Variants in LRRC69 observed in about 807,000 individuals in gnomAD.
LRRC69 encodes the protein leucine-rich repeat-containing protein 69.
A neutral mutation model predicts 37.8 loss-of-function variants in LRRC69; 42 were observed. The observed-to-expected ratio is 1.11, with a 90% confidence interval of 0.87 to 1.44. The LOEUF (loss-of-function observed/expected upper bound fraction) is 1.44, where lower values mean the gene tolerates loss of function less well. LRRC69 is among the 40% of genes most tolerant of loss of function. The probability of loss-of-function intolerance (pLI) is 0.00; values close to 1 mark genes in which losing one functional copy is unlikely to be tolerated. For missense variants in LRRC69, 357 were observed against 401.9 expected (o/e 0.89, Z 0.96); for synonymous variants, 141 against 143.1 (o/e 0.99, Z 0.11).
chr8:91,201,455 T>C (rs1434236297), intron 7 of LRRC69, among the ~76,000 whole-genome samples: 1 of 152,226 alleles, frequency 6.6e-6, no homozygotes. Flanking sequence ...AATAAAACTT[T>C]ACTTGTGAAT....
chr8:91,153,506 C>T (rs1413199698), intron 5 of LRRC69, among the ~76,000 whole-genome samples: 3 of 136,468 alleles, frequency 2.2e-5, no homozygotes, highest in African/African-American at 7.5e-5. Context: ...GAAATAATAA[C>T]AAACAGTCTC....
intron 5 of LRRC69, among the ~76,000 whole-genome samples, chr8:91,152,890 A>G (rs1176404988): frequency 2.0e-5 from 3 of 151,198 alleles, no homozygotes; most frequent in African/African-American, 7.3e-5. Context: ...TTACCTTAAA[A>G]GTAAATGGGC....
chr8:91,110,104 G>A (rs1237044107), intron 1 of LRRC69, among the ~76,000 whole-genome samples: 1 of 151,820 alleles, frequency 6.6e-6, no homozygotes, highest in Non-Finnish European at 1.5e-5. Flanking sequence ...TTACAAAATA[G>A]TTTACAGAAC....
chr8:91,200,028 A>G (rs1809686101), intron 6 of LRRC69, among the ~76,000 whole-genome samples: 1 of 152,168 alleles, frequency 6.6e-6, no homozygotes, highest in Non-Finnish European at 1.5e-5. Context: ...TGATGGCACT[A>G]TTCAGGTTCT....
chr8:91,189,347 G>C (rs1809454348), intron 5 of LRRC69, among the ~76,000 whole-genome samples, 175 bp from the exon 6 acceptor site: 1 of 152,034 alleles, frequency 6.6e-6, no homozygotes, highest in Admixed American at 6.5e-5. Flanking sequence ...GATAAGTAGA[G>C]TATGCCCCAG....
At chr8:91,144,846 T>C (rs1406095772) in intron 5 of LRRC69, among the ~76,000 whole-genome samples, 1 of 151,960 alleles carries the variant, frequency 6.6e-6, no homozygotes, top group Non-Finnish European at 1.5e-5. Context: ...TACATAAATA[T>C]TTTTTGTGCT....
intron 7 of LRRC69, among the ~76,000 whole-genome samples, chr8:91,210,310 C>CT (rs1809885508): frequency 6.6e-6 from 1 of 152,124 alleles, no homozygotes; most frequent in Non-Finnish European, 1.5e-5. Flanking sequence ...CCTTCTGTCT[C>CT]TTTTTTCCTG....
chr8:91,185,977 C>A (rs1020519252), intron 5 of LRRC69, among the ~76,000 whole-genome samples: 1 of 152,146 alleles, frequency 6.6e-6, no homozygotes, highest in African/African-American at 2.4e-5. Context: ...TCTGATCTCC[C>A]TCATTGCTTT....
intron 5 of LRRC69, among the ~76,000 whole-genome samples, chr8:91,161,415 G>A (rs1808943441): frequency 6.6e-6 from 1 of 151,252 alleles, no homozygotes; most frequent in Non-Finnish European, 1.5e-5. Flanking sequence ...AAGTTATGCA[G>A]TCCTGGGCTT....
intron 6 of LRRC69, among the ~76,000 whole-genome samples, chr8:91,196,363 C>T (rs1809600549): frequency 6.6e-6 from 1 of 151,758 alleles, no homozygotes; most frequent in Non-Finnish European, 1.5e-5. Flanking sequence ...GTTGTGTTCT[C>T]TGTATTTCCT....
intron 5 of LRRC69, among the ~76,000 whole-genome samples, chr8:91,152,154 A>C (rs968900688): frequency 6.6e-6 from 1 of 151,278 alleles, no homozygotes; most frequent in Non-Finnish European, 1.5e-5. Context: ...CCATTTGTCT[A>C]TTTTTGCTTT....
At chr8:91,206,578 C>T (rs1809809044) in intron 7 of LRRC69, 3 of 789,534 alleles carry the variant, frequency 3.8e-6, no homozygotes, top group Non-Finnish European at 3.5e-6. Flanking sequence ...TCCTGCTTTC[C>T]ACTGGTGATG....
chr8:91,179,584 AT>A (rs1310050495), intron 5 of LRRC69, among the ~76,000 whole-genome samples: 1 of 152,078 alleles, frequency 6.6e-6, no homozygotes, highest in Admixed American at 6.6e-5. Flanking sequence ...TACCCACTTT[AT>A]TTTTTCCTAG....
At chr8:91,126,743 T>A (rs920403173) in intron 2 of LRRC69, among the ~76,000 whole-genome samples, 2 of 151,998 alleles carry the variant, frequency 1.3e-5, no homozygotes, top group African/African-American at 2.4e-5. Flanking sequence ...TAAGATATTA[T>A]AAATACGAAA....
intron 5 of LRRC69, among the ~76,000 whole-genome samples, chr8:91,180,862 G>C (rs58715526): frequency 0.03 from 4,502 of 152,246 alleles, 242 homozygotes; most frequent in African/African-American, 0.1. Flanking sequence ...GACAGTGAGA[G>C]ATGGAAGTGG....
intron 1 of LRRC69, among the ~76,000 whole-genome samples, chr8:91,110,236 T>C (rs1353772868): frequency 1.3e-5 from 2 of 152,216 alleles, no homozygotes; most frequent in South Asian, 4.1e-4. Flanking sequence ...ATACATCTTA[T>C]AGGCAAATAA....
At chr8:91,210,562 GACACACACAC>G (rs35968986) in intron 7 of LRRC69, among the ~76,000 whole-genome samples, 113 of 145,980 alleles carry the variant, frequency 7.7e-4, no homozygotes, top group East Asian at 2.5e-3. Flanking sequence ...CACACACACA[GACACACACAC>G]ACACACACAC....
At chr8:91,177,854 T>TC (rs1341973181) in intron 5 of LRRC69, among the ~76,000 whole-genome samples, 2 of 149,482 alleles carry the variant, frequency 1.3e-5, no homozygotes, top group Non-Finnish European at 3.0e-5. Flanking sequence ...GCTTTTCTTT[T>TC]TTTTTTTTTT....
intron 6 of LRRC69, among the ~76,000 whole-genome samples, chr8:91,194,731 T>A (rs1258532008): frequency 6.6e-6 from 1 of 152,136 alleles, no homozygotes; most frequent in Non-Finnish European, 1.5e-5. Flanking sequence ...ATTTGATTCT[T>A]CTTTTTTTCT....
Sources: gnomAD v4.1 joint callset for allele counts (sites outside exome capture counted in the v4.1 genomes callset) on GRCh38, gnomAD v4.1.1 for gene constraint, MANE v1.5 for transcripts, NCBI Gene and HGNC (gene_info 2026-07-23, HGNC 2026-07-21) for gene names.